The following VWA5B1 variants were observed in gnomAD, a reference collection of about 807,000 sequenced individuals.
VWA5B1 encodes von Willebrand factor A domain-containing protein 5B1.
Under a neutral mutation model 118.2 loss-of-function variants are expected in VWA5B1, and 115 were observed. That is an observed-to-expected ratio of 0.97 (90% CI 0.84 to 1.14). The LOEUF is 1.14. Ranked by LOEUF, VWA5B1 falls within the 50% of genes most tolerant of loss-of-function variation. VWA5B1 has a pLI of 0.00. For missense variants in VWA5B1, 1,596 were observed against 1,603.8 expected, an observed-to-expected ratio of 1.00 and a Z score of 0.08; for synonymous variants, 682 against 658.4, an observed-to-expected ratio of 1.04 and a Z score of -0.55.
intron 1 of VWA5B1, among the ~76,000 whole-genome samples, chr1:20,299,695 C>T (rs1006697230): frequency 1.1e-4 from 16 of 152,230 alleles, no homozygotes; most frequent in Admixed American, 4.6e-4. Flanking sequence ...TGAGCCACCA[C>T]GCTCGGCCTC....
intron 12 of VWA5B1, among the ~76,000 whole-genome samples, 176 bp downstream of exon 12, chr1:20,333,127 A>G (rs1041282414): frequency 3.3e-5 from 5 of 152,246 alleles, no homozygotes; most frequent in Non-Finnish European, 7.3e-5. Flanking sequence ...CAGGCATTCA[A>G]TCACAGTGGC....
At chr1:20,298,015 TTTTG>T (rs1553193558) in intron 1 of VWA5B1, among the ~76,000 whole-genome samples, 1 of 140,396 alleles carries the variant, frequency 7.1e-6, no homozygotes, top group Non-Finnish European at 1.5e-5. Flanking sequence ...TTTTTTTTTT[TTTTG>T]TTTGTTCAGG....
At chr1:20,319,618 A>T in intron 7 of VWA5B1, 112 bp downstream of exon 7, 1 of 1,447,226 alleles carries the variant, frequency 6.9e-7, no homozygotes, top group Non-Finnish European at 9.3e-7. Context: ...GTCATCCAGC[A>T]AGCTGGAGGC....
intron 4 of VWA5B1, among the ~76,000 whole-genome samples, chr1:20,317,197 A>G (rs1046721672): frequency 4.7e-5 from 7 of 149,718 alleles, no homozygotes; most frequent in African/African-American, 1.7e-4. Flanking sequence ...AACTTGTGCC[A>G]GTTACCTCAC....
At chr1:20,324,357 G>A (rs984354941) in intron 8 of VWA5B1, among the ~76,000 whole-genome samples, 1 of 151,996 alleles carries the variant, frequency 6.6e-6, no homozygotes, top group Non-Finnish European at 1.5e-5. Flanking sequence ...CAATCCAGAT[G>A]CATTTCACCT....
At chr1:20,312,117 C>G (rs975342295) in intron 2 of VWA5B1, among the ~76,000 whole-genome samples, 3 of 152,148 alleles carry the variant, frequency 2.0e-5, no homozygotes, top group African/African-American at 7.2e-5. Context: ...AAGACCTTAA[C>G]ACTGTAAATG....
chr1:20,320,152 G>T (rs2089162667), intron 7 of VWA5B1, among the ~76,000 whole-genome samples: 1 of 152,212 alleles, frequency 6.6e-6, no homozygotes, highest in Admixed American at 6.5e-5. Flanking sequence ...GTTTCAGAAT[G>T]ATGGCTCATC....
At chr1:20,348,921 G>A (rs980894388) in intron 18 of VWA5B1, among the ~76,000 whole-genome samples, 1 of 152,166 alleles carries the variant, frequency 6.6e-6, no homozygotes, top group African/African-American at 2.4e-5. Context: ...GCATGGATGT[G>A]TGTCTTTCTG....
intron 21 of VWA5B1, among the ~76,000 whole-genome samples, chr1:20,352,572 G>A (rs2090151109): frequency 6.6e-6 from 1 of 152,180 alleles, no homozygotes; most frequent in African/African-American, 2.4e-5. Flanking sequence ...CCAGGGACAT[G>A]GACTGTGTTT....
chr1:20,300,907 T>C (rs190321193), intron 1 of VWA5B1, among the ~76,000 whole-genome samples: 28 of 152,346 alleles, frequency 1.8e-4, no homozygotes, highest in Admixed American at 3.9e-4. Flanking sequence ...ATATGTGTGA[T>C]GGCAGGGTCC....
intron 3 of VWA5B1, 81 bp downstream of exon 3, chr1:20,313,069 C>T: frequency 6.7e-7 from 1 of 1,497,498 alleles, no homozygotes; most frequent in Admixed American, 2.1e-5. Context: ...AGGCCAACTG[C>T]AAGGATAGCA....
Position 20,356,447 on chromosome 1 carries a change from T to C in VWA5B1, c.*2184T>C, listed in dbSNP as rs2090231151. On this transcript the variant is annotated 3_prime_UTR_variant, in exon 22 of 22. Transcript: ENST00000289815. ...TTCTGGGCCTCTTTCTTCCTCTACA[T>C]AACCAGGCTGAACTGGGCTGTCCAG... 6.6e-6 allele frequency among the ~76,000 whole-genome samples: 1 copy of C among 152,130 alleles called. No homozygotes were observed. The highest frequency in any genetic ancestry group is 2.4e-5 in the African/African-American group (1 of 41,436).
At chr1:20,336,746 G>T (rs145706004) in intron 13 of VWA5B1, among the ~76,000 whole-genome samples, 1 of 152,134 alleles carries the variant, frequency 6.6e-6, no homozygotes, top group Non-Finnish European at 1.5e-5. Context: ...CATTCAAAGG[G>T]TACTTATCGA....
intron 6 of VWA5B1, 82 bp from the exon 7 acceptor site, chr1:20,319,300 A>G: frequency 6.6e-7 from 1 of 1,520,544 alleles, no homozygotes; most frequent in Non-Finnish European, 8.9e-7. Context: ...CCCTGTGAGA[A>G]TCTTGCACCT....
At position 20,312,851 on chromosome 1, in the gene VWA5B1, C is replaced by T. The variant is rs1381407003; in HGVS notation, c.155C>T (p.Pro52Leu). The change falls in exon 3 of 22, where the codon CCC (proline) becomes CTC (leucine). Residue 52 changes from proline (P) to leucine (L), a missense_variant. Pro to Leu is a moderately conservative substitution (Grantham distance 98, BLOSUM62 -3). Transcript: ENST00000289815. ...AQPFQGLFVY[P>L]LDECTTVIGF... Reference sequence around the variant, plus strand: ...GCTCCGACAGGCCTCTTCGTGTACCCCCTGGATGAGTGCACCACGGTGATC... The same window carrying T: ...GCTCCGACAGGCCTCTTCGTGTACCTCCTGGATGAGTGCACCACGGTGATC... 4 of 1,551,192 alleles carry T rather than the reference C, an allele frequency of 2.6e-6. No individual in the cohort carries two copies. Among genetic ancestry groups the T allele is most frequent in the Non-Finnish European group, 3.5e-6 (4 of 1,146,660 alleles).
chr1:20,346,692 A>C (rs1199387857), intron 17 of VWA5B1, among the ~76,000 whole-genome samples: 2 of 152,120 alleles, frequency 1.3e-5, no homozygotes, highest in Non-Finnish European at 2.9e-5. Flanking sequence ...TGAGAAGAGA[A>C]TCTCTCTTTT....
At chr1:20,318,435 G>A in intron 5 of VWA5B1, 155 bp from the exon 6 acceptor site, 5 of 1,043,062 alleles carry the variant, frequency 4.8e-6, no homozygotes, top group Non-Finnish European at 7.1e-6. Flanking sequence ...TGGGGAAATT[G>A]AGGCAGCCTG....
rs900764162 is a variant in VWA5B1 at position 20,355,975 on chromosome 1, G to C, written c.*1712G>C. Among the ~76,000 whole-genome samples the C allele has an allele frequency of 2.6e-5, 4 of 152,228 alleles. No individual in the cohort carries two copies. The highest frequency in any genetic ancestry group is 9.6e-5 in the African/African-American group (4 of 41,470). On this transcript the variant is annotated 3_prime_UTR_variant, in exon 22 of 22. Coordinates refer to ENST00000289815, the MANE Select transcript of VWA5B1 (RefSeq NM_001039500.3). ...GGACACTGTGGCCATCACAACCCCA[G>C]GTGGGGCAGGATGCCAATCTGGGGT...
At chr1:20,338,019 AC>A in intron 14 of VWA5B1, 183 bp downstream of exon 14, 2 of 774,868 alleles carry the variant, frequency 2.6e-6, no homozygotes, top group Non-Finnish European at 4.5e-6. Flanking sequence ...AAATCAGGAC[AC>A]CCACCGGTCA....
Sources: allele counts gnomAD v4.1 joint callset (sites outside exome capture counted in the v4.1 genomes callset), GRCh38; gene constraint gnomAD v4.1.1; transcripts MANE v1.5; gene names NCBI Gene and HGNC (gene_info 2026-07-23, HGNC 2026-07-21).